Variants in SPAG17 observed in about 807,000 individuals in gnomAD.
SPAG17 encodes sperm associated antigen 17, also known as sperm-associated antigen 17.
In SPAG17, 169 loss-of-function variants were observed where a neutral mutation model predicts 273.6. That is an observed-to-expected ratio of 0.62 (90% CI 0.55 to 0.70). The LOEUF is 0.70. Among genes scored for constraint, SPAG17 ranks in the 30% least tolerant of loss-of-function variants. SPAG17 has a pLI of 0.00. For missense variants in SPAG17, 2,557 were observed against 2,627.8 expected (o/e 0.97, Z 0.59); for synonymous variants, 825 against 873.2 (o/e 0.94, Z 0.97).
chr1:118,043,832 A>C (rs549137707), intron 20 of SPAG17, among the ~76,000 whole-genome samples: 62 of 152,332 alleles, frequency 4.1e-4, no homozygotes, highest in African/African-American at 1.5e-3. Context: ...ACTCAGCAAA[A>C]AAGTTGCTAA....
intron 1 of SPAG17, among the ~76,000 whole-genome samples, chr1:118,163,578 T>C (rs1261696738): frequency 1.3e-5 from 2 of 151,118 alleles, no homozygotes; most frequent in African/African-American, 4.9e-5. Context: ...TGACCTCTTC[T>C]CTAACTGTGT....
intron 1 of SPAG17, among the ~76,000 whole-genome samples, chr1:118,177,116 A>G (rs72631730): frequency 2.0e-5 from 3 of 152,212 alleles, no homozygotes; most frequent in Admixed American, 2.0e-4. Context: ...AAATAAAACA[A>G]CTTAATAATT....
chr1:118,060,464 AT>A (rs1269125893), intron 18 of SPAG17, among the ~76,000 whole-genome samples: 1 of 152,046 alleles, frequency 6.6e-6, no homozygotes, highest in African/African-American at 2.4e-5. Context: ...CTATTTACAT[AT>A]TTTTGTAATG....
intron 40 of SPAG17, among the ~76,000 whole-genome samples, chr1:117,985,232 C>G (rs1656278978): frequency 6.6e-6 from 1 of 152,106 alleles, no homozygotes. Context: ...ATAATGTGGT[C>G]AGTGGTTATA....
intron 3 of SPAG17, among the ~76,000 whole-genome samples, chr1:118,129,485 T>C (rs1022561991): frequency 3.3e-5 from 5 of 152,222 alleles, no homozygotes; most frequent in African/African-American, 4.8e-5. Flanking sequence ...GTGATTCTGA[T>C]ATACGCTAGA....
chr1:117,995,340 T>C lies in SPAG17; in HGVS notation c.5054-810A>G, dbSNP rs140820458. On this transcript the variant is annotated intron_variant, in intron 34 of 48. Coordinates refer to ENST00000336338, the MANE Select transcript of SPAG17 (RefSeq NM_206996.4). Reference sequence around the variant, plus strand: ...TGTGTGACTTTATAGTTAACATCTATCTCTCCCAGTAACCTAAGAGCTCCA... The same window carrying C: ...TGTGTGACTTTATAGTTAACATCTACCTCTCCCAGTAACCTAAGAGCTCCA... Among the ~76,000 whole-genome samples the C allele has an allele frequency of 2.0e-3, 299 of 152,140 alleles. 1 individual carries two copies. Among genetic ancestry groups the C allele is most frequent in the Middle Eastern group, 0.014 (4 of 294 alleles).
Position 118,151,367 on chromosome 1 carries a change from G to T in SPAG17, c.90C>A (p.Asn30Lys), listed in dbSNP as rs776688730. 1.2e-6 allele frequency: 2 copies of T among 1,610,926 alleles called. No homozygotes were observed. Among genetic ancestry groups the T allele is most frequent in the South Asian group, 1.1e-5 (1 of 90,564 alleles). The change falls in exon 2 of 49, where the codon AAC becomes AAA. Residue 30 changes from asparagine (N) to lysine (K), a missense_variant and splice_region_variant. Physicochemically the swap from Asn to Lys is moderately conservative, Grantham distance 94. Coordinates refer to ENST00000336338, the MANE Select transcript of SPAG17 (RefSeq NM_206996.4). ...CAAAAGCAATGGAGGCCTGCCAATC[G>T]TTCTATTAAAAATCAGACGGAATTA... ...PSLIAAQFNQ[N>K]DWQASIAFVV...
intron 3 of SPAG17, among the ~76,000 whole-genome samples, chr1:118,143,042 A>G (rs181732571): frequency 6.6e-6 from 1 of 152,348 alleles, no homozygotes; most frequent in South Asian, 2.1e-4. Context: ...CATAAGAATT[A>G]AAAAACCCTG....
At chr1:118,143,730 C>T (rs1309133032) in intron 3 of SPAG17, among the ~76,000 whole-genome samples, 1 of 152,138 alleles carries the variant, frequency 6.6e-6, no homozygotes, top group Admixed American at 6.5e-5. Flanking sequence ...TCCCCAGCAC[C>T]CCTCCAATCC....
Position 117,973,469 on chromosome 1 carries a change from G to A in SPAG17, c.6097C>T (p.His2033Tyr), listed in dbSNP as rs1344424176. 4 of 1,613,914 alleles carry A rather than the reference G, an allele frequency of 2.5e-6. No individual in the cohort carries two copies. Among genetic ancestry groups the A allele is most frequent in the African/African-American group, 2.7e-5 (2 of 75,042 alleles). ...TTAGGCTTGGAACTCAGCAAATAAT[G>A]AGGCAACTTCACTTTTTCTTTTCTT... ...QTRKEKVKLPHYLLSSKPKSQ... is the reference protein window; with the variant it reads ...QTRKEKVKLPYYLLSSKPKSQ... Residue 2033 changes from histidine (H) to tyrosine (Y), a missense_variant, in exon 44 of 49, where the codon CAT (histidine) becomes TAT (tyrosine). Physicochemically the swap from His to Tyr is moderately conservative, Grantham distance 83. Transcript: ENST00000336338.
chr1:118,099,471 G>T, intron 6 of SPAG17, 135 bp downstream of exon 6: 1 of 942,512 alleles, frequency 1.1e-6, no homozygotes, highest in Non-Finnish European at 1.6e-6. Context: ...CAGAGTAAAT[G>T]GCAAATCAAA....
chr1:118,126,232 G>T (rs1419149114), intron 3 of SPAG17, among the ~76,000 whole-genome samples: 2 of 126,390 alleles, frequency 1.6e-5, no homozygotes, highest in African/African-American at 2.9e-5. Context: ...TTGAGACAGA[G>T]TCTCGCTCTG....
intron 3 of SPAG17, among the ~76,000 whole-genome samples, chr1:118,141,102 C>G (rs764478742): frequency 1.1e-4 from 16 of 152,026 alleles, no homozygotes; most frequent in African/African-American, 3.9e-4. Flanking sequence ...GAAACTAACT[C>G]AAAATTGTGT....
At chr1:118,016,597 C>G (rs938128427) in intron 28 of SPAG17, among the ~76,000 whole-genome samples, 8 of 152,198 alleles carry the variant, frequency 5.3e-5, no homozygotes, top group African/African-American at 1.9e-4. Context: ...ACATATTGGA[C>G]TATAACAGTT....
Position 118,036,752 on chromosome 1 carries a change from C to T in SPAG17, c.3433+18G>A. The T allele has an allele frequency of 1.3e-6, 2 of 1,513,830 alleles. No individual in the cohort carries two copies. The highest frequency in any genetic ancestry group is 1.8e-6 in the Non-Finnish European group (2 of 1,112,908). 93.8% of individuals were successfully genotyped at this position (1,513,830 alleles called of 1,614,324 possible). A position where few individuals can be genotyped will look rare whatever the true frequency, so the allele number is the denominator to read the frequency against. ...TGGCTGTGGGGCACACTTATCCTTG[C>T]TGTTGTGTTCATTTCACCTGGTGCC... On this transcript the variant is annotated intron_variant, in intron 24 of 48. Coordinates refer to ENST00000336338, the MANE Select transcript of SPAG17 (RefSeq NM_206996.4).
intron 44 of SPAG17, 26 bp from the exon 45 acceptor site, chr1:117,972,073 AAT>A (rs777262363): frequency 6.3e-7 from 1 of 1,580,976 alleles, no homozygotes; most frequent in South Asian, 1.2e-5. Flanking sequence ...AAATTAATAA[AAT>A]GGTTCTATTT....
chr1:118,012,402 T>A, intron 29 of SPAG17, 30 bp from the exon 30 acceptor site: 1 of 1,607,162 alleles, frequency 6.2e-7, no homozygotes, highest in Non-Finnish European at 8.5e-7. Context: ...ACATAATCAT[T>A]TGGCCACATG....
chr1:117,977,978 C>T (rs1467969652), intron 43 of SPAG17, among the ~76,000 whole-genome samples: 1 of 152,144 alleles, frequency 6.6e-6, no homozygotes. Flanking sequence ...TCATCTTTTC[C>T]ACCTCACAGA....
chr1:118,156,346 T>G (rs1172192798), intron 1 of SPAG17, among the ~76,000 whole-genome samples: 1 of 152,202 alleles, frequency 6.6e-6, no homozygotes, highest in Non-Finnish European at 1.5e-5. Flanking sequence ...GGCTGATATT[T>G]CAAAGCAACA....
Sources: gnomAD v4.1 joint callset for allele counts (sites outside exome capture counted in the v4.1 genomes callset) on GRCh38, gnomAD v4.1.1 for gene constraint, MANE v1.5 for transcripts, NCBI Gene and HGNC (gene_info 2026-07-23, HGNC 2026-07-21) for gene names.